The following PRKG1 variants were observed in gnomAD, a reference collection of about 807,000 sequenced individuals.
PRKG1 encodes the protein cGMP-dependent protein kinase 1.
A neutral mutation model predicts 88.1 loss-of-function variants in PRKG1; 35 were observed. That is an observed-to-expected ratio of 0.40 (90% CI 0.30 to 0.53). The LOEUF (loss-of-function observed/expected upper bound fraction) is 0.53. Among genes scored for constraint, PRKG1 ranks in the 20% least tolerant of loss-of-function variants. The pLI is 0.59. For synonymous variants in PRKG1, 303 were observed against 292.5 expected (o/e 1.04, Z -0.37); for missense variants, 540 against 839.8 (o/e 0.64, Z 4.41).
intron 2 of PRKG1, among the ~76,000 whole-genome samples, chr10:51,276,903 C>G (rs1253819974): frequency 6.6e-5 from 10 of 152,144 alleles, no homozygotes; most frequent in Non-Finnish European, 2.9e-5. Flanking sequence ...TTCTCCCATT[C>G]TGTAGGTTGC....
intron 3 of PRKG1, among the ~76,000 whole-genome samples, chr10:51,778,113 A>T (rs1838488305): frequency 6.6e-6 from 1 of 152,114 alleles, no homozygotes; most frequent in Non-Finnish European, 1.5e-5. Context: ...AAGCTTTACG[A>T]TTAAATAACT....
At chr10:51,932,751 G>A (rs1324936453) in intron 5 of PRKG1, among the ~76,000 whole-genome samples, 1 of 152,038 alleles carries the variant, frequency 6.6e-6, no homozygotes, top group African/African-American at 2.4e-5. Flanking sequence ...CCTTTCTGTA[G>A]CTTTACAATT....
chr10:52,064,760 C>T lies in PRKG1; in HGVS notation c.935+2129C>T, dbSNP rs540275439. Among the ~76,000 whole-genome samples, 654 of 152,248 alleles carry T rather than the reference C, an allele frequency of 4.3e-3. 1 individual carries two copies. Among genetic ancestry groups the T allele is most frequent in the African/African-American group, 0.015 (639 of 41,550 alleles). On this transcript the variant is annotated intron_variant, in intron 7 of 17. Coordinates refer to ENST00000373980, the MANE Select transcript of PRKG1 (RefSeq NM_006258.4). ...TCCCAACTCAGAAGGGGTGGGGGTC[C>T]CTCCTGTCCCCGGCTCCTGCTGGCT...
chr10:51,526,358 T>A (rs1841883377), intron 3 of PRKG1, among the ~76,000 whole-genome samples: 1 of 152,184 alleles, frequency 6.6e-6, no homozygotes, highest in South Asian at 2.1e-4. Flanking sequence ...CTTAGATTAG[T>A]GCAAAAGTGA....
chr10:51,540,005 T>A (rs1842260907), intron 3 of PRKG1, among the ~76,000 whole-genome samples: 1 of 152,234 alleles, frequency 6.6e-6, no homozygotes, highest in Admixed American at 6.5e-5. Context: ...ATATGTTTCT[T>A]ATTAGCTCAA....
intron 12 of PRKG1, among the ~76,000 whole-genome samples, chr10:52,279,685 C>A (rs996475076): frequency 6.6e-6 from 1 of 151,998 alleles, no homozygotes; most frequent in East Asian, 1.9e-4. Context: ...AAAATGCAAA[C>A]AGGCATCAGA....
intron 4 of PRKG1, among the ~76,000 whole-genome samples, chr10:51,893,685 G>A (rs1167253889): frequency 1.3e-5 from 2 of 152,146 alleles, no homozygotes; most frequent in Non-Finnish European, 2.9e-5. Context: ...TTAATTGAGT[G>A]CTTACCCTAC....
At chr10:51,429,912 T>C (rs944494010) in intron 2 of PRKG1, among the ~76,000 whole-genome samples, 1 of 151,074 alleles carries the variant, frequency 6.6e-6, no homozygotes, top group African/African-American at 2.4e-5. Flanking sequence ...ACAACAGCAG[T>C]CCCAGAAAGG....
At chr10:51,404,708 T>C (rs1837857839) in intron 2 of PRKG1, among the ~76,000 whole-genome samples, 2 of 152,226 alleles carry the variant, frequency 1.3e-5, no homozygotes, top group African/African-American at 4.8e-5. Context: ...TGGAATGTTG[T>C]AGAGGCTCTC....
chr10:51,624,687 A>G (rs776860657), intron 3 of PRKG1, among the ~76,000 whole-genome samples: 7 of 152,242 alleles, frequency 4.6e-5, no homozygotes, highest in Non-Finnish European at 1.0e-4. Context: ...CATTACTCAC[A>G]GAGGTGAATA....
intron 5 of PRKG1, among the ~76,000 whole-genome samples, chr10:52,025,097 T>G (rs915479357): frequency 1.3e-5 from 2 of 152,254 alleles, no homozygotes; most frequent in Non-Finnish European, 2.9e-5. Flanking sequence ...TGAGCATTTT[T>G]TCATGTGTCT....
chr10:51,110,985 G>T (rs1844967483), intron 1 of PRKG1, among the ~76,000 whole-genome samples: 1 of 152,076 alleles, frequency 6.6e-6, no homozygotes, highest in African/African-American at 2.4e-5. Flanking sequence ...AGAGTTTTTT[G>T]TCATCCCTGT....
intron 1 of PRKG1, among the ~76,000 whole-genome samples, chr10:51,006,676 G>C (rs1269814305): frequency 6.6e-6 from 1 of 151,940 alleles, no homozygotes; most frequent in African/African-American, 2.4e-5. Flanking sequence ...TCCATCCATG[G>C]TGTTGTCTCA....
chr10:51,278,936 T>C (rs1321086664), intron 2 of PRKG1, among the ~76,000 whole-genome samples: 1 of 152,166 alleles, frequency 6.6e-6, no homozygotes, highest in Non-Finnish European at 1.5e-5. Flanking sequence ...TTGAAGGGTT[T>C]TTTGTGTCTC....
Position 51,731,368 on chromosome 10 carries a change from A to T in PRKG1, c.593-73217A>T, listed in dbSNP as rs555107670. Among the ~76,000 whole-genome samples the T allele has an allele frequency of 6.1e-4, 93 of 152,084 alleles. 1 individual carries two copies. The highest frequency in any genetic ancestry group is 1.9e-3 in the African/African-American group (77 of 41,488). ...TGGTAGCCCGTTAATTCTTAAATTT[A>T]AAAAAAATGGAAACAAAGTGGTGTC... On this transcript the variant is annotated intron_variant, in intron 3 of 17. Coordinates refer to ENST00000373980, the MANE Select transcript of PRKG1 (RefSeq NM_006258.4).
intron 2 of PRKG1, among the ~76,000 whole-genome samples, chr10:51,223,371 A>G (rs1838603665): frequency 6.6e-6 from 1 of 152,152 alleles, no homozygotes; most frequent in African/African-American, 2.4e-5. Flanking sequence ...TGAAGACAGA[A>G]ATTTTTGTCT....
chr10:51,686,690 A>G (rs906387188), intron 3 of PRKG1, among the ~76,000 whole-genome samples: 7 of 152,192 alleles, frequency 4.6e-5, no homozygotes, highest in African/African-American at 1.7e-4. Context: ...TAGTCTGAAC[A>G]CATGTGAAAA....
intron 4 of PRKG1, among the ~76,000 whole-genome samples, chr10:51,860,018 G>T (rs1840829662): frequency 6.6e-6 from 1 of 152,072 alleles, no homozygotes; most frequent in Non-Finnish European, 1.5e-5. Flanking sequence ...AGATGAATTA[G>T]GTACTCGTGT....
At position 51,601,721 on chromosome 10, in the gene PRKG1, A is replaced by ATTTTTTTTTTTTTTTTTTTTTTT. The variant is rs749205610; in HGVS notation, c.592+133911_592+133933dup. 9.2e-5 allele frequency among the ~76,000 whole-genome samples: 4 copies of ATTTTTTTTTTTTTTTTTTTTTTT among 43,574 alleles called. 1 individual carries two copies. Among genetic ancestry groups the ATTTTTTTTTTTTTTTTTTTTTTT allele is most frequent in the Non-Finnish European group, 1.8e-4 (4 of 22,068 alleles). The allele number at this position is 43,574 out of a possible 152,430, so 28.6% of individuals were successfully genotyped here. Reference sequence around the variant, plus strand: ...TTTTAGAAATAAAGTGGCAGATTGAATTTTTTTTTTTTTTTTTTTTTTTTT... The same window carrying ATTTTTTTTTTTTTTTTTTTTTTT: ...TTTTAGAAATAAAGTGGCAGATTGAATTTTTTTTTTTTTTTTTTTTTTTTTTTTTTTTTTTTTTTTTTTTTTTT... On this transcript the variant is annotated intron_variant, in intron 3 of 17. Coordinates refer to ENST00000373980, the MANE Select transcript of PRKG1 (RefSeq NM_006258.4).
Sources: allele counts gnomAD v4.1 joint callset (sites outside exome capture counted in the v4.1 genomes callset), GRCh38; gene constraint gnomAD v4.1.1; transcripts MANE v1.5; gene names NCBI Gene and HGNC (gene_info 2026-07-23, HGNC 2026-07-21).